PCDHA8: variants seen among roughly 807,000 people sequenced by gnomAD.
PCDHA8 encodes protocadherin alpha-8.
PCDHA8 carries 53 observed loss-of-function variants against 61.8 expected under a neutral mutation model. That is an observed-to-expected ratio of 0.86 (90% CI 0.69 to 1.08). The LOEUF (loss-of-function observed/expected upper bound fraction) is 1.08. PCDHA8 is among the 50% of genes least tolerant of loss of function. PCDHA8 has a pLI of 0.00. For missense variants in PCDHA8, 1,293 were observed against 1,245.0 expected (o/e 1.04, Z -0.58); for synonymous variants, 618 against 556.6 (o/e 1.11, Z -1.55).
At chr5:140,912,690 A>AG (rs2076029112) in intron 1 of PCDHA8, among the ~76,000 whole-genome samples, 1 of 152,192 alleles carries the variant, frequency 6.6e-6, no homozygotes, top group African/African-American at 2.4e-5. Flanking sequence ...TCCAGGTCTC[A>AG]GGGGGAATGC....
chr5:140,970,286 C>A (rs2096395973), intron 1 of PCDHA8, among the ~76,000 whole-genome samples: 2 of 152,174 alleles, frequency 1.3e-5, no homozygotes, highest in Admixed American at 6.5e-5. Context: ...GTAGCCTTTT[C>A]AAGTCCTTCA....
intron 1 of PCDHA8, chr5:140,928,323 T>C: frequency 1.2e-6 from 2 of 1,614,178 alleles, no homozygotes; most frequent in Non-Finnish European, 1.7e-6. Context: ...TGGGGAAGAA[T>C]GGCCTTGTCT....
intron 1 of PCDHA8, among the ~76,000 whole-genome samples, chr5:140,932,553 C>T (rs1288415511): frequency 6.6e-6 from 1 of 151,798 alleles, no homozygotes; most frequent in African/African-American, 2.4e-5. Context: ...AACATACATT[C>T]CACAAGTAGA....
intron 1 of PCDHA8, among the ~76,000 whole-genome samples, chr5:140,934,332 T>C (rs1452316834): frequency 1.3e-5 from 2 of 152,140 alleles, no homozygotes; most frequent in Non-Finnish European, 2.9e-5. Flanking sequence ...ATGAATGTAA[T>C]AACCACCAGT....
At chr5:140,966,868 G>A (rs781853403) in intron 1 of PCDHA8, 47 of 1,580,198 alleles carry the variant, frequency 3.0e-5, no homozygotes, top group Non-Finnish European at 3.7e-5. Flanking sequence ...TGTTGCTGCT[G>A]CTGCTACCTG....
intron 1 of PCDHA8, chr5:140,864,391 A>G (rs1554158881): frequency 6.6e-6 from 1 of 152,234 alleles, no homozygotes; most frequent in African/African-American, 2.4e-5. Context: ...TCTCTCACAA[A>G]TGGTGATGAG....
intron 3 of PCDHA8, among the ~76,000 whole-genome samples, chr5:141,005,998 G>A (rs1289174174): frequency 1.3e-5 from 2 of 151,618 alleles, no homozygotes; most frequent in Non-Finnish European, 2.9e-5. Flanking sequence ...GGATCTGAAA[G>A]AAGGCCTGTA....
chr5:140,925,108 G>GGAAGGAAGGAAGGAA (rs1554202548), intron 1 of PCDHA8, among the ~76,000 whole-genome samples: 36 of 124,780 alleles, frequency 2.9e-4, no homozygotes, highest in African/African-American at 1.2e-3. Context: ...GAAGGAAGGA[G>GGAAGGAAGGAAGGAA]GGAAGGAAGG....
chr5:140,850,812 A>C, intron 1 of PCDHA8: 1 of 1,598,316 alleles, frequency 6.3e-7, no homozygotes, highest in Non-Finnish European at 8.6e-7. Flanking sequence ...CATGGCCTTC[A>C]GCCCGGGCCT....
intron 1 of PCDHA8, chr5:140,870,960 C>T: frequency 6.2e-7 from 1 of 1,613,670 alleles, no homozygotes; most frequent in Non-Finnish European, 8.5e-7. Context: ...GCTCGCGCAT[C>T]CCGTTCCGCG....
intron 1 of PCDHA8, among the ~76,000 whole-genome samples, chr5:140,915,458 G>A (rs1172885235): frequency 6.6e-6 from 1 of 152,126 alleles, no homozygotes; most frequent in Non-Finnish European, 1.5e-5. Context: ...TTTCCAGAAG[G>A]TTTTTATTTG....
rs528939441 is a variant in PCDHA8 at position 140,858,900 on chromosome 5, G to C, written c.2394+15185G>C. ...CCTCCATGTGTAGAATATGTGTAGCGTACCACAGCTTATACTGCCATAGTA... is the reference window on the plus strand; with the variant it reads ...CCTCCATGTGTAGAATATGTGTAGCCTACCACAGCTTATACTGCCATAGTA... On this transcript the variant is annotated intron_variant, in intron 1 of 3. Transcript: ENST00000531613. 2 of 203,044 alleles carry C rather than the reference G, an allele frequency of 9.9e-6. 1 individual carries two copies. Among genetic ancestry groups the C allele is most frequent in the African/African-American group, 4.8e-5 (2 of 41,680 alleles). 12.6% of individuals were successfully genotyped at this position (203,044 alleles called of 1,614,324 possible). A position where few individuals can be genotyped will look rare whatever the true frequency, so the allele number is the denominator to read the frequency against.
At chr5:140,944,385 C>T (rs1273075803) in intron 1 of PCDHA8, among the ~76,000 whole-genome samples, 4 of 152,092 alleles carry the variant, frequency 2.6e-5, no homozygotes, top group Non-Finnish European at 5.9e-5. Flanking sequence ...TGGAGTCTCA[C>T]TGTGTTATCC....
intron 1 of PCDHA8, among the ~76,000 whole-genome samples, chr5:140,886,264 A>T (rs1471846282): frequency 3.3e-5 from 5 of 151,982 alleles, no homozygotes; most frequent in Admixed American, 3.3e-4. Flanking sequence ...CTATTTATAG[A>T]TAAAATTTTT....
chr5:140,978,789 A>G (rs2153817382), intron 1 of PCDHA8, 160 bp from the exon 2 acceptor site: 22 of 974,564 alleles, frequency 2.3e-5, no homozygotes, highest in Non-Finnish European at 2.6e-5. Flanking sequence ...CTAAAGTGCT[A>G]TATATGTAGA....
At chr5:140,977,126 T>C (rs782356713) in intron 1 of PCDHA8, among the ~76,000 whole-genome samples, 27 of 152,240 alleles carry the variant, frequency 1.8e-4, no homozygotes, top group Admixed American at 4.6e-4. Context: ...GAACTGAGTT[T>C]CCTGGTCAGT....
At chr5:140,871,308 G>GC (rs2052955236) in intron 1 of PCDHA8, 1 of 1,613,880 alleles carries the variant, frequency 6.2e-7, no homozygotes. Flanking sequence ...CGCCGGGGAA[G>GC]CCCACGCTGG....
At chr5:140,850,178 T>C (rs1266429053) in intron 1 of PCDHA8, 11 of 1,592,662 alleles carry the variant, frequency 6.9e-6, no homozygotes, top group East Asian at 6.8e-5. Flanking sequence ...AGAACGACAA[T>C]GCGCCGGCGC....
In PCDHA8 at chr5:140,852,432, C is replaced by A. The variant is rs185141585; in HGVS notation, c.2394+8717C>A. ...AGCTGGGATTATAGGCACATGCCAC[C>A]GCGCCCAGCTAATTTTTGTATTTTT... On this transcript the variant is annotated intron_variant, in intron 1 of 3. Transcript: ENST00000531613. 4.7e-3 allele frequency: 847 copies of A among 180,880 alleles called. 56 individuals are homozygous for A. Among genetic ancestry groups the A allele is most frequent in the South Asian group, 0.036 (183 of 5,090 alleles). 11.2% of individuals were successfully genotyped at this position (180,880 alleles called of 1,614,324 possible).
Sources: allele counts gnomAD v4.1 joint callset (sites outside exome capture counted in the v4.1 genomes callset), GRCh38; gene constraint gnomAD v4.1.1; transcripts MANE v1.5; gene names NCBI Gene and HGNC (gene_info 2026-07-23, HGNC 2026-07-21).